Variants in METTL15 observed in about 807,000 individuals in gnomAD.
METTL15 encodes the protein 12S rRNA N(4)-cytidine methyltransferase METTL15.
A neutral mutation model predicts 38.3 loss-of-function variants in METTL15; 34 were observed. The observed-to-expected ratio is 0.89, with a 90% confidence interval of 0.68 to 1.18. The LOEUF is 1.18. Ranked by LOEUF, METTL15 falls within the 50% of genes most tolerant of loss-of-function variation. The pLI is 0.00. For missense variants in METTL15, 438 were observed against 498.4 expected, an observed-to-expected ratio of 0.88 and a Z score of 1.15; for synonymous variants, 162 against 170.9, an observed-to-expected ratio of 0.95 and a Z score of 0.41.
At chr11:28,475,683 T>C (rs1851340109) in intron 6 of METTL15, among the ~76,000 whole-genome samples, 1 of 152,254 alleles carries the variant, frequency 6.6e-6, no homozygotes, top group Non-Finnish European at 1.5e-5. Flanking sequence ...TGCAGTTCTC[T>C]AGTTGAGATT....
chr11:28,384,740 CT>C (rs1461032193), intron 5 of METTL15, among the ~76,000 whole-genome samples: 1 of 152,160 alleles, frequency 6.6e-6, no homozygotes, highest in Non-Finnish European at 1.5e-5. Context: ...AATGTTTGAA[CT>C]AATTTACACT....
Position 28,485,235 on chromosome 11 carries a change from CAAGAAAAGAA to C in METTL15, c.*425-41225_*425-41216del, listed in dbSNP as rs71909949. Among the ~76,000 whole-genome samples, 464 of 150,720 alleles carry C rather than the reference CAAGAAAAGAA, an allele frequency of 3.1e-3. 4 individuals carry two copies. In the East Asian group the frequency reaches 0.037, roughly 12 times the overall value. ...CTAACTGTGTCTAACTTATTGAATGCAAGAAAAGAAAAGAAAAGAAAAGAAAAATAGCTTA... is the reference window on the plus strand; with the variant it reads ...CTAACTGTGTCTAACTTATTGAATGCAAGAAAAGAAAAGAAAAATAGCTTA... On this transcript the variant is annotated intron_variant and NMD_transcript_variant, in intron 6 of 7. Coordinates refer to the METTL15 transcript ENST00000532947.
At chr11:28,199,511 C>A (rs545843596) in intron 3 of METTL15, among the ~76,000 whole-genome samples, 1 of 152,004 alleles carries the variant, frequency 6.6e-6, no homozygotes, top group Non-Finnish European at 1.5e-5. Context: ...TATTTTTTAA[C>A]GCTCTTAATT....
chr11:28,295,898 G>A (rs1456067331), intron 5 of METTL15, among the ~76,000 whole-genome samples: 1 of 152,104 alleles, frequency 6.6e-6, no homozygotes, highest in Non-Finnish European at 1.5e-5. Flanking sequence ...TTAACTGTAA[G>A]AGCAGTAACT....
At chr11:28,199,304 A>G (rs1852021717) in intron 3 of METTL15, among the ~76,000 whole-genome samples, 1 of 152,170 alleles carries the variant, frequency 6.6e-6, no homozygotes, top group Admixed American at 6.6e-5. Context: ...TAATGCTGCT[A>G]TAGTTAGCCC....
chr11:28,222,459 T>C (rs906998363), intron 4 of METTL15, among the ~76,000 whole-genome samples: 2 of 152,184 alleles, frequency 1.3e-5, no homozygotes, highest in Admixed American at 6.5e-5. Context: ...GTCACCCTTT[T>C]CATTGGCTAG....
intron 3 of METTL15, among the ~76,000 whole-genome samples, chr11:28,131,230 A>G (rs922431602): frequency 6.6e-6 from 1 of 152,250 alleles, no homozygotes; most frequent in Non-Finnish European, 1.5e-5. Flanking sequence ...GATGTGAAGC[A>G]GAGAATCACC....
intron 4 of METTL15, among the ~76,000 whole-genome samples, chr11:28,250,640 C>T (rs1199256589): frequency 6.6e-6 from 1 of 151,808 alleles, no homozygotes; most frequent in African/African-American, 2.4e-5. Context: ...GCCTATGTAA[C>T]AGTCCAGAGG....
At chr11:28,141,355 A>G (rs935937475) in intron 3 of METTL15, among the ~76,000 whole-genome samples, 2 of 152,112 alleles carry the variant, frequency 1.3e-5, no homozygotes, top group Non-Finnish European at 2.9e-5. Context: ...TCTGAAAAAT[A>G]TCTGAAAGAT....
intron 4 of METTL15, among the ~76,000 whole-genome samples, chr11:28,278,992 A>AT (rs1280381006): frequency 6.6e-6 from 1 of 151,962 alleles, no homozygotes; most frequent in Non-Finnish European, 1.5e-5. Context: ...ATGCCTGGCT[A>AT]TTTTTTGTAT....
chr11:28,282,659 C>T (rs1856098470), intron 4 of METTL15, among the ~76,000 whole-genome samples: 1 of 152,124 alleles, frequency 6.6e-6, no homozygotes, highest in Non-Finnish European at 1.5e-5. Context: ...TTCTGGTGCA[C>T]TGGGATTGCC....
chr11:28,218,165 C>G (rs1432434201), intron 4 of METTL15, among the ~76,000 whole-genome samples: 3 of 152,110 alleles, frequency 2.0e-5, no homozygotes, highest in Non-Finnish European at 2.9e-5. Flanking sequence ...GCCATTTTCA[C>G]TATATTGATT....
chr11:28,367,141 C>G (rs1017018649), intron 5 of METTL15, among the ~76,000 whole-genome samples: 1 of 151,200 alleles, frequency 6.6e-6, no homozygotes, highest in Non-Finnish European at 1.5e-5. Context: ...TGGTTTCTGT[C>G]TCATCTGACT....
intron 1 of METTL15, among the ~76,000 whole-genome samples, chr11:28,109,348 C>G (rs1851618237): frequency 6.6e-6 from 1 of 152,112 alleles, no homozygotes; most frequent in African/African-American, 2.4e-5. Context: ...GTAATAAAAT[C>G]GAGATGTCTT....
rs555135828 is a variant in METTL15 at position 28,465,200 on chromosome 11, C to T, written c.*424+40836C>T. Among the ~76,000 whole-genome samples the T allele has an allele frequency of 2.6e-5, 4 of 152,154 alleles. No homozygotes were observed. In the South Asian group the frequency reaches 8.3e-4, roughly 32 times the overall value. ...GTCTTTCAACGGTAATGACCACTTC[C>T]CTCTGAAATACACTCTTTCTTTTAC... On this transcript the variant is annotated intron_variant and NMD_transcript_variant, in intron 6 of 7. Transcript: ENST00000532947.
intron 6 of METTL15, among the ~76,000 whole-genome samples, chr11:28,430,632 G>A (rs1478315352): frequency 7.6e-5 from 5 of 65,460 alleles, no homozygotes; most frequent in African/African-American, 1.8e-4. Flanking sequence ...CAGCCACCCC[G>A]TCTGGGAGGT....
At chr11:28,371,205 T>C (rs1343419457) in intron 5 of METTL15, among the ~76,000 whole-genome samples, 1 of 152,016 alleles carries the variant, frequency 6.6e-6, no homozygotes, top group Non-Finnish European at 1.5e-5. Context: ...TTTGATTTGA[T>C]TTTTGAGAAA....
At chr11:28,196,195 G>T (rs1301211671) in intron 3 of METTL15, among the ~76,000 whole-genome samples, 1 of 151,910 alleles carries the variant, frequency 6.6e-6, no homozygotes, top group Non-Finnish European at 1.5e-5. Flanking sequence ...CTCTTTATTG[G>T]TTCCATATGA....
At chr11:28,215,156 A>G (rs1415002899) in intron 4 of METTL15, among the ~76,000 whole-genome samples, 7 of 152,232 alleles carry the variant, frequency 4.6e-5, no homozygotes, top group African/African-American at 1.7e-4. Context: ...GGGGAACTCA[A>G]TAAGGCCTCT....
Sources: gnomAD v4.1 joint callset for allele counts (sites outside exome capture counted in the v4.1 genomes callset) on GRCh38, gnomAD v4.1.1 for gene constraint, MANE v1.5 for transcripts, NCBI Gene and HGNC (gene_info 2026-07-23, HGNC 2026-07-21) for gene names.